Variants in ABHD12 observed in about 807,000 individuals in gnomAD.
ABHD12 encodes abhydrolase domain containing 12, lysophospholipase, also known as lysophosphatidylserine lipase ABHD12.
A neutral mutation model predicts 58.3 loss-of-function variants in ABHD12; 43 were observed. That is an observed-to-expected ratio of 0.74 (90% CI 0.58 to 0.95). ABHD12 has a LOEUF of 0.95. ABHD12 is among the 40% of genes least tolerant of loss of function. The pLI is 0.00. For synonymous variants in ABHD12, 219 were observed against 211.2 expected (o/e 1.04, Z -0.32); for missense variants, 539 against 537.2 (o/e 1.00, Z -0.03).
intron 3 of ABHD12, among the ~76,000 whole-genome samples, chr20:25,321,344 C>T (rs543631070): frequency 2.6e-5 from 4 of 152,364 alleles, no homozygotes; most frequent in South Asian, 2.1e-4. Context: ...AGCAGACAGG[C>T]GATGGCCAGG....
chr20:25,314,538 G>C (rs1378303191), intron 6 of ABHD12, among the ~76,000 whole-genome samples: 1 of 152,062 alleles, frequency 6.6e-6, no homozygotes, highest in Non-Finnish European at 1.5e-5. Context: ...AAAACAGCGG[G>C]TGTGGTGTCG....
chr20:25,300,639 G>A lies in ABHD12; in HGVS notation c.*206C>T, dbSNP rs1470563115. On this transcript the variant is annotated 3_prime_UTR_variant, in exon 13 of 13. Coordinates refer to ENST00000339157, the MANE Select transcript of ABHD12 (RefSeq NM_001042472.3). ...GGAGAGCCACATGCCTGCCACCCACGCTTTCCACACAGCCATGCTCAGGCC... is the reference window on the plus strand; with the variant it reads ...GGAGAGCCACATGCCTGCCACCCACACTTTCCACACAGCCATGCTCAGGCC... 35 of 1,458,762 alleles carry A rather than the reference G, an allele frequency of 2.4e-5. No homozygotes were observed. Among genetic ancestry groups the A allele is most frequent in the African/African-American group, 8.5e-5 (6 of 70,618 alleles). 90.4% of individuals were successfully genotyped at this position (1,458,762 alleles called of 1,614,324 possible). A position where few individuals can be genotyped will look rare whatever the true frequency, so the allele number is the denominator to read the frequency against.
intron 1 of ABHD12, among the ~76,000 whole-genome samples, chr20:25,358,655 G>A (rs2089699723): frequency 6.6e-6 from 1 of 152,200 alleles, no homozygotes; most frequent in South Asian, 2.1e-4. Flanking sequence ...GCAGGCCTCA[G>A]GCTAGGAGGT....
intron 3 of ABHD12, among the ~76,000 whole-genome samples, chr20:25,322,028 G>A (rs948928553): frequency 1.3e-5 from 2 of 152,176 alleles, no homozygotes; most frequent in Non-Finnish European, 2.9e-5. Flanking sequence ...CTGAGACAGT[G>A]GAAAGCGACG....
intron 1 of ABHD12, among the ~76,000 whole-genome samples, chr20:25,387,784 T>G (rs1219367845): frequency 6.6e-6 from 1 of 151,308 alleles, no homozygotes; most frequent in Non-Finnish European, 1.5e-5. Flanking sequence ...GGCTCACGCC[T>G]GTAATCCCAG....
intron 10 of ABHD12, among the ~76,000 whole-genome samples, chr20:25,304,543 C>T (rs1187777861): frequency 7.2e-5 from 11 of 152,150 alleles, no homozygotes; most frequent in Admixed American, 2.0e-4. Flanking sequence ...TTCAGGGGCA[C>T]GGTACTCAAA....
At position 25,383,141 on chromosome 20, in the gene ABHD12, G is replaced by C. The variant is rs372914248; in HGVS notation, c.191+7372C>G. 1.7e-4 allele frequency among the ~76,000 whole-genome samples: 26 copies of C among 152,336 alleles called. No individual in the cohort carries two copies. In the East Asian group the frequency reaches 3.5e-3, roughly 20 times the overall value. On this transcript the variant is annotated intron_variant, in intron 1 of 12. Transcript: ENST00000339157. The stretch of plus-strand genomic sequence containing the variant: ...AAGAGATACCATACAGGGACACTTA[G>C]AGGGTGAGGTTGATACTGAACCTCG...
Position 25,347,790 on chromosome 20 carries a change from T to C in ABHD12, c.192-8439A>G, listed in dbSNP as rs115289395. 8.2e-3 allele frequency among the ~76,000 whole-genome samples: 1,233 copies of C among 151,176 alleles called. 17 individuals carry two copies. The highest frequency in any genetic ancestry group is 0.026 in the African/African-American group (1,059 of 41,142). ...TAAATCTCTTCAGCAAGTCTGAAAATCTCTTGGAAAGGCAAATTCTGTAAG... is the reference window on the plus strand; with the variant it reads ...TAAATCTCTTCAGCAAGTCTGAAAACCTCTTGGAAAGGCAAATTCTGTAAG... On this transcript the variant is annotated intron_variant, in intron 1 of 12. Coordinates refer to ENST00000339157, the MANE Select transcript of ABHD12 (RefSeq NM_001042472.3).
intron 1 of ABHD12, among the ~76,000 whole-genome samples, chr20:25,355,869 T>TG (rs1329901308): frequency 1.3e-5 from 2 of 151,484 alleles, no homozygotes; most frequent in African/African-American, 4.9e-5. Flanking sequence ...TAAAGGGTAT[T>TG]TTTAAGAAAA....
At chr20:25,328,549 G>A (rs1238273231) in intron 2 of ABHD12, among the ~76,000 whole-genome samples, 1 of 152,220 alleles carries the variant, frequency 6.6e-6, no homozygotes, top group East Asian at 1.9e-4. Flanking sequence ...TCAGTTCTGT[G>A]TCTGCAGAAG....
At chr20:25,354,712 A>G (rs2089645327) in intron 1 of ABHD12, among the ~76,000 whole-genome samples, 2 of 152,210 alleles carry the variant, frequency 1.3e-5, no homozygotes, top group African/African-American at 4.8e-5. Flanking sequence ...CAAACTATTA[A>G]GTGCAATAAA....
chr20:25,375,047 G>A (rs1478654946), intron 1 of ABHD12, among the ~76,000 whole-genome samples: 1 of 152,128 alleles, frequency 6.6e-6, no homozygotes, highest in African/African-American at 2.4e-5. Context: ...GGTCATCAGG[G>A]TGGACCCTAA....
rs139015918 is a variant in ABHD12, at chr20:25,314,777, G to T, written c.619+148C>A. On this transcript the variant is annotated intron_variant, in intron 6 of 12. Transcript: ENST00000339157. The stretch of plus-strand genomic sequence containing the variant: ...GGGGCTCTCCTGACAGCTCCATCAG[G>T]GTCTTTGTCAGGACCCAGGACACCA... The T allele has an allele frequency of 3.4e-6, 3 of 888,868 alleles. No homozygotes were observed. The African/African-American group carries it at 4.9e-5, about 15-fold the overall frequency. The allele number at this position is 888,868 out of a possible 1,614,324, so 55.1% of individuals were successfully genotyped here.
At chr20:25,325,285 G>A (rs112835536) in intron 2 of ABHD12, among the ~76,000 whole-genome samples, 3,151 of 151,898 alleles carry the variant, frequency 0.021, 103 homozygotes, top group African/African-American at 0.071. Flanking sequence ...CTGGCTGGCT[G>A]GACAGGAAGT....
chr20:25,296,060 T>C (rs2088538169), downstream of ABHD12, among the ~76,000 whole-genome samples: 1 of 152,188 alleles, frequency 6.6e-6, no homozygotes, highest in Non-Finnish European at 1.5e-5. Flanking sequence ...CCCCTGGCAC[T>C]GGATCTGCCT....
intron 1 of ABHD12, among the ~76,000 whole-genome samples, chr20:25,370,475 G>A (rs775964323): frequency 9.8e-5 from 15 of 152,334 alleles, no homozygotes; most frequent in Non-Finnish European, 1.6e-4. Flanking sequence ...GAGAAGGAAA[G>A]CAATATGCTG....
intron 1 of ABHD12, among the ~76,000 whole-genome samples, chr20:25,384,761 A>C (rs776412925): frequency 6.6e-6 from 1 of 152,016 alleles, no homozygotes; most frequent in Non-Finnish European, 1.5e-5. Flanking sequence ...AAACAAAACA[A>C]ACTAAAAAAA....
intron 1 of ABHD12, among the ~76,000 whole-genome samples, chr20:25,388,787 C>CTTTTTTTTT (rs780031801): frequency 5.7e-5 from 7 of 122,092 alleles, no homozygotes; most frequent in Admixed American, 9.6e-5. Context: ...TTGATTTTTT[C>CTTTTTTTTT]TTTTTTTTTT....
At chr20:25,387,825 G>A (rs1312666326) in intron 1 of ABHD12, among the ~76,000 whole-genome samples, 2 of 151,592 alleles carry the variant, frequency 1.3e-5, no homozygotes, top group African/African-American at 4.9e-5. Context: ...GGTGGATCAC[G>A]AGGTCACGAG....
Sources: gnomAD v4.1 joint callset for allele counts (sites outside exome capture counted in the v4.1 genomes callset) on GRCh38, gnomAD v4.1.1 for gene constraint, MANE v1.5 for transcripts, NCBI Gene and HGNC (gene_info 2026-07-23, HGNC 2026-07-21) for gene names.